KANSL3: variants seen among roughly 807,000 people sequenced by gnomAD.
KANSL3 encodes NSL complex protein NSL3.
Under a neutral mutation model 89.2 loss-of-function variants are expected in KANSL3, and 16 were observed. That is an observed-to-expected ratio of 0.18 (90% CI 0.12 to 0.27). The LOEUF (loss-of-function observed/expected upper bound fraction) is 0.27. Among genes scored for constraint, KANSL3 ranks in the 10% least tolerant of loss-of-function variants. The pLI, the probability that KANSL3 is intolerant of heterozygous loss-of-function variation, is 1.00. For missense variants in KANSL3, 879 were observed against 1,110.6 expected (o/e 0.79, Z 2.96); for synonymous variants, 385 against 419.7 (o/e 0.92, Z 1.01).
At chr2:96,608,697 AAT>A in intron 13 of KANSL3, 33 bp from the exon 14 acceptor site, 2 of 1,613,654 alleles carry the variant, frequency 1.2e-6, no homozygotes, top group Middle Eastern at 1.6e-4. Flanking sequence ...GAGATGAGAC[AAT>A]GTTACTAGGA....
chr2:96,582,067 C>T, the KANSL3 span, among the ~76,000 whole-genome samples: 4 of 152,186 alleles, frequency 2.6e-5, no homozygotes, highest in African/African-American at 9.6e-5. Flanking sequence ...TTATTTTTCT[C>T]TCCCCCAGAT....
At chr2:96,622,274 T>C (rs919011811) in intron 3 of KANSL3, among the ~76,000 whole-genome samples, 1 of 151,908 alleles carries the variant, frequency 6.6e-6, no homozygotes, top group Non-Finnish European at 1.5e-5. Context: ...ATCAAAAAAT[T>C]AGCCAGGCAT....
chr2:96,589,738 A>G (rs1031473638), downstream of KANSL3, among the ~76,000 whole-genome samples: 1 of 152,180 alleles, frequency 6.6e-6, no homozygotes, highest in Non-Finnish European at 1.5e-5. Flanking sequence ...ACAGCAGAAC[A>G]CATTTAAGCA....
chr2:96,622,525 C>T (rs2071503387), intron 3 of KANSL3, among the ~76,000 whole-genome samples: 1 of 151,940 alleles, frequency 6.6e-6, no homozygotes, highest in African/African-American at 2.4e-5. Context: ...TACAAAAGAA[C>T]TCTCTCTGTA....
chr2:96,607,173 A>C (rs1573367376), intron 14 of KANSL3: 1 of 447,304 alleles, frequency 2.2e-6, no homozygotes, highest in African/African-American at 2.0e-5. Flanking sequence ...CTGCATGGCA[A>C]CCTGACTCTG....
Position 96,595,482 on chromosome 2 carries a change from A to T in KANSL3, c.*129T>A. On this transcript the variant is annotated 3_prime_UTR_variant, in exon 21 of 21. Transcript: ENST00000431828. The stretch of plus-strand genomic sequence containing the variant: ...GTTTCTCTGAAGACAGTTGGCGGAG[A>T]GGCAAAAATGACTGTCTTAAACAGG... 1 of 859,008 alleles carries T rather than the reference A, an allele frequency of 1.2e-6. No homozygotes were observed. Among genetic ancestry groups the T allele is most frequent in the Non-Finnish European group, 1.8e-6 (1 of 553,490 alleles). The allele number at this position is 859,008 out of a possible 1,614,324, so 53.2% of individuals were successfully genotyped here.
Position 96,605,353 on chromosome 2 carries a change from G to A in KANSL3, c.1900C>T (p.Pro634Ser), listed in dbSNP as rs35715176. ...LISQGDTAGGPCAPSQGSAPE... is the reference protein window; with the variant it reads ...LISQGDTAGGSCAPSQGSAPE... ...GCACTTCCTTGGGAAGGAGCACAAG[G>A]CCCTCCAGCTGTGTCCCCTTGGGAG... The change falls in exon 15 of 21, where the codon CCT becomes TCT. Residue 634 changes from proline to serine, a missense_variant. By Grantham distance (74) the Pro-to-Ser change is moderately conservative (BLOSUM62 -1). Transcript: ENST00000431828. 35,243 of 1,613,052 alleles carry A rather than the reference G, an allele frequency of 0.022. 908 individuals are homozygous for A. Among genetic ancestry groups the A allele is most frequent in the East Asian group, 0.16 (6,953 of 44,854 alleles).
In KANSL3 at chr2:96,608,551, A is replaced by T. The variant is rs1177467545; in HGVS notation, c.1698T>A (p.His566Gln). ...TCAGCACAGCTTCTGTCCGCTGCAC[A>T]TGTCTCTTCAGCAGCTGAGAACTTC... is the stretch of plus-strand genomic sequence containing the variant. ...QIGSSQLLKRHVQRTEAVLTH... is the reference protein window; with the variant it reads ...QIGSSQLLKRQVQRTEAVLTH... Residue 566 changes from histidine (H) to glutamine (Q), a missense_variant, in exon 14 of 21, where the codon CAT becomes CAA. Transcript: ENST00000431828. The T allele has an allele frequency of 1.2e-6, 2 of 1,613,876 alleles. No homozygotes were observed. Among genetic ancestry groups the T allele is most frequent in the Non-Finnish European group, 1.7e-6 (2 of 1,179,894 alleles).
At chr2:96,623,128 C>T (rs555762718) in intron 3 of KANSL3, among the ~76,000 whole-genome samples, 5 of 152,236 alleles carry the variant, frequency 3.3e-5, no homozygotes, top group Admixed American at 6.5e-5. Flanking sequence ...TAAAACAGAG[C>T]CTCACAAATA....
chr2:96,601,542 G>T, intron 20 of KANSL3, 101 bp downstream of exon 20: 1 of 1,461,916 alleles, frequency 6.8e-7, no homozygotes, highest in Non-Finnish European at 9.0e-7. Flanking sequence ...TCTGAATCTC[G>T]TCTGTCCAGT....
chr2:96,612,905 G>A lies in KANSL3; in HGVS notation c.825C>T (p.Leu275=), dbSNP rs2069270642. The A allele has an allele frequency of 1.3e-6, 2 of 1,566,600 alleles. No homozygotes were observed. Among genetic ancestry groups the A allele is most frequent in the African/African-American group, 2.7e-5 (2 of 73,882 alleles). ...PSKLPGSPLI[L]IASSGPSSSV... is the part of the protein sequence containing the mutation. ...AGCTGGAGGGACCAGAGGAGGCGAT[G>A]AGAATCAGCGGAGAGCCAGGGAGTT... Residue 275 remains leucine, a synonymous_variant, in exon 7 of 21, where the codon CTC becomes CTT. Coordinates refer to ENST00000431828, the MANE Select transcript of KANSL3 (RefSeq NM_001115016.3).
Position 96,619,758 on chromosome 2 carries a change from C to A in KANSL3, c.391G>T (p.Gly131Cys). Residue 131 changes from glycine to cysteine, a missense_variant, in exon 4 of 21, where the codon GGC becomes TGC. By Grantham distance (159) the Gly-to-Cys change is radical (BLOSUM62 -3). Around this residue, in one of 6 missense-constraint regions of KANSL3, gnomAD observed 210 missense variants for 311.9 expected, o/e 0.67. Transcript: ENST00000431828. ...AGCTTGTTCTGGGCCATTGTCCAGC[C>A]AGTCCTATAAGGGAAACTCTGAGGA... ...EDWEEHVNRT[G>C]WTMAQNKLFN... is the part of the protein sequence containing the mutation. The A allele has an allele frequency of 6.4e-7, 1 of 1,555,022 alleles. No individual in the cohort carries two copies. Among genetic ancestry groups the A allele is most frequent in the East Asian group, 2.4e-5 (1 of 41,282 alleles).
In KANSL3 at chr2:96,637,020, T is replaced by C; in HGVS notation, c.116A>G (p.His39Arg). 6.4e-7 allele frequency: 1 copy of C among 1,551,670 alleles called. No homozygotes were observed. Among genetic ancestry groups the C allele is most frequent in the Non-Finnish European group, 8.7e-7 (1 of 1,146,988 alleles). The change falls in exon 2 of 21, where the codon CAT becomes CGT. Residue 39 changes from histidine (H) to arginine (R), a missense_variant. This residue lies in a region of KANSL3 where 210 missense variants were observed against 311.9 expected (regional missense o/e 0.67). Transcript: ENST00000431828. The part of the protein sequence containing the change: ...ERELDLVFLD[H>R]SYAKPWSAHP... ...GGCACTCCAAGGCTTGGCATAGCTATGATCCAGAAAAACCAGGTCCAGCTC... is the reference window on the plus strand; with the variant it reads ...GGCACTCCAAGGCTTGGCATAGCTACGATCCAGAAAAACCAGGTCCAGCTC...
chr2:96,604,733 G>A (rs1367053625), intron 16 of KANSL3, 46 bp downstream of exon 16: 2 of 1,485,990 alleles, frequency 1.3e-6, no homozygotes, highest in Non-Finnish European at 9.2e-7. Context: ...AGAAACAGAG[G>A]GAAGGGAAAA....
Position 96,595,477 on chromosome 2 carries a change from C to T in KANSL3, c.*134G>A, listed in dbSNP as rs1436395779. On this transcript the variant is annotated 3_prime_UTR_variant, in exon 21 of 21. Coordinates refer to ENST00000431828, the MANE Select transcript of KANSL3 (RefSeq NM_001115016.3). ...TAATGGTTTCTCTGAAGACAGTTGG[C>T]GGAGAGGCAAAAATGACTGTCTTAA... The T allele has an allele frequency of 1.1e-5, 9 of 809,836 alleles. No individual in the cohort carries two copies. Among genetic ancestry groups the T allele is most frequent in the East Asian group, 2.8e-5 (1 of 36,064 alleles). The allele number at this position is 809,836 out of a possible 1,614,324, so 50.2% of individuals were successfully genotyped here.
chr2:96,580,696 A>T, the KANSL3 span, among the ~76,000 whole-genome samples: 1 of 152,216 alleles, frequency 6.6e-6, no homozygotes, highest in Non-Finnish European at 1.5e-5. Context: ...ATGCATATAC[A>T]TTATATTTGA....
At chr2:96,614,797 GAAAGAAAA>G (rs1405974883) in intron 5 of KANSL3, among the ~76,000 whole-genome samples, 1 of 145,400 alleles carries the variant, frequency 6.9e-6, no homozygotes, top group Admixed American at 6.8e-5. Context: ...AAAAAAGAAA[GAAAGAAAA>G]AAAGAAAAAA....
chr2:96,604,699 A>T (rs1333604864), intron 16 of KANSL3, 80 bp downstream of exon 16: 3 of 1,269,256 alleles, frequency 2.4e-6, no homozygotes, highest in Non-Finnish European at 3.3e-6. Flanking sequence ...AGAATCCATC[A>T]TTTTCCAAAG....
intron 16 of KANSL3, 55 bp from the exon 17 acceptor site, chr2:96,604,435 A>G (rs2067659053): frequency 6.3e-7 from 1 of 1,586,436 alleles, no homozygotes. Flanking sequence ...AGCAAGCCCT[A>G]GCAACACTGG....
Sources: gnomAD v4.1 joint callset for allele counts (sites outside exome capture counted in the v4.1 genomes callset) on GRCh38, gnomAD v4.1.1 for gene constraint, gnomAD v4.1.1 regional missense constraint, MANE v1.5 for transcripts, NCBI Gene and HGNC (gene_info 2026-07-23, HGNC 2026-07-21) for gene names.